Variants in NRBP1 observed in about 807,000 individuals in gnomAD.
The protein encoded by NRBP1 is nuclear receptor binding protein 1.
In NRBP1, 10 loss-of-function variants were observed where a neutral mutation model predicts 76.0. That is an observed-to-expected ratio of 0.13 (90% CI 0.08 to 0.22). NRBP1 has a LOEUF of 0.22. Among genes scored for constraint, NRBP1 ranks in the 10% least tolerant of loss-of-function variants. The probability of loss-of-function intolerance (pLI) is 1.00; values close to 1 mark genes in which losing one functional copy is unlikely to be tolerated. For synonymous variants in NRBP1, 235 were observed against 240.2 expected (o/e 0.98, Z 0.20); for missense variants, 344 against 646.0 (o/e 0.53, Z 5.07).
At chr2:27,432,152 C>T (rs1415749889) in intron 1 of NRBP1, among the ~76,000 whole-genome samples, 2 of 152,276 alleles carry the variant, frequency 1.3e-5, no homozygotes, top group Admixed American at 1.3e-4. Flanking sequence ...CCCGTCCACA[C>T]ATAGCTTAAT....
At chr2:27,434,795 T>G in intron 6 of NRBP1, 33 bp downstream of exon 6, 1 of 1,602,358 alleles carries the variant, frequency 6.2e-7, no homozygotes, top group African/African-American at 1.3e-5. Context: ...CTTACCCATA[T>G]TTCCTGATGT....
chr2:27,438,016 G>A (rs1167298363), intron 10 of NRBP1, among the ~76,000 whole-genome samples: 1 of 151,728 alleles, frequency 6.6e-6, no homozygotes, highest in Non-Finnish European at 1.5e-5. Context: ...GTGAAACCCT[G>A]TCTCTACTAA....
In NRBP1 at chr2:27,434,539, C is replaced by T. The variant is rs1201229075; in HGVS notation, c.504C>T (p.Asn168=). The T allele has an allele frequency of 1.2e-6, 2 of 1,613,682 alleles. No homozygotes were observed. The highest frequency in any genetic ancestry group is 1.7e-6 in the Non-Finnish European group (2 of 1,179,790). The change falls in exon 5 of 18, where the codon AAC becomes AAT. Residue 168 remains asparagine (N), a synonymous_variant. Transcript: ENST00000379852. ...LKQFLKKTKK[N]HKTMNEKAWK... ...AATTTCTGAAGAAGACCAAAAAGAA[C>T]CACAAGACGATGAATGAAAAGGTAT...
chr2:27,438,197 GTTAAT>G lies in NRBP1; in HGVS notation c.903+840_903+844del, dbSNP rs1664389882. Among the ~76,000 whole-genome samples, 11 of 151,236 alleles carry G rather than the reference GTTAAT, an allele frequency of 7.3e-5. No homozygotes were observed. The South Asian group carries it at 2.3e-3, about 32-fold the overall frequency. On this transcript the variant is annotated intron_variant, in intron 10 of 17. Transcript: ENST00000379852. ...TGTCTCAAAAAAAAAAAAAAAGTAT[GTTAAT>G]TTGAATGTGTCTACATGGAGGTAAA... is the stretch of plus-strand genomic sequence containing the variant.
chr2:27,440,296 A>G, intron 11 of NRBP1, 107 bp from the exon 12 acceptor site: 1 of 788,668 alleles, frequency 1.3e-6, no homozygotes, highest in African/African-American at 1.7e-5. Flanking sequence ...GGCATGAGCC[A>G]CTGTGCCAGG....
chr2:27,440,937 C>A lies in NRBP1; in HGVS notation c.1326C>A (p.Arg442=). The change falls in exon 14 of 18, where the codon CGC becomes CGA. Residue 442 remains arginine, a synonymous_variant. Coordinates refer to ENST00000379852, the MANE Select transcript of NRBP1 (RefSeq NM_013392.4). The stretch of plus-strand genomic sequence containing the variant: ...CTGAACCAGCTGAGGTGGAGACTCG[C>A]AAGGTGGGGGCTGTGTGGGTGTGGA... The part of the protein sequence containing the change: ...PTPEPAEVET[R]KVVLMQCNIE... 1 of 1,613,260 alleles carries A rather than the reference C, an allele frequency of 6.2e-7. No individual in the cohort carries two copies. The highest frequency in any genetic ancestry group is 8.5e-7 in the Non-Finnish European group (1 of 1,180,038).
chr2:27,433,209 GA>G, intron 1 of NRBP1, 44 bp from the exon 2 acceptor site: 1 of 1,381,462 alleles, frequency 7.2e-7, no homozygotes, highest in Non-Finnish European at 1.0e-6. Context: ...GATGTATCCT[GA>G]CTTTCTCTGC....
chr2:27,435,264 G>T, intron 7 of NRBP1, 37 bp downstream of exon 7: 1 of 1,553,876 alleles, frequency 6.4e-7, no homozygotes, highest in Non-Finnish European at 8.9e-7. Flanking sequence ...GGGGAGCCTC[G>T]GGAATTTGGG....
In NRBP1 at chr2:27,440,788, T is replaced by C; in HGVS notation, c.1194-17T>C. The C allele has an allele frequency of 6.2e-7, 1 of 1,614,096 alleles. No homozygotes were observed. The highest frequency in any genetic ancestry group is 8.5e-7 in the Non-Finnish European group (1 of 1,180,034). On this transcript the variant is annotated splice_polypyrimidine_tract_variant and intron_variant, in intron 13 of 17. Coordinates refer to ENST00000379852, the MANE Select transcript of NRBP1 (RefSeq NM_013392.4). ...GCGTTCACAGAGCCCATGTGACCTGTCTTCATCTCCCTCCAGGAATGGGAT... is the reference window on the plus strand; with the variant it reads ...GCGTTCACAGAGCCCATGTGACCTGCCTTCATCTCCCTCCAGGAATGGGAT...
At position 27,440,775 on chromosome 2, in the gene NRBP1, C is replaced by T. The variant is rs1231464486; in HGVS notation, c.1194-30C>T. 2.5e-6 allele frequency: 4 copies of T among 1,613,958 alleles called. 1 individual carries two copies. Among genetic ancestry groups the T allele is most frequent in the Middle Eastern group, 1.6e-4 (1 of 6,084 alleles). Reference sequence around the variant, plus strand: ...TGGGTATCCTAAGGCGTTCACAGAGCCCATGTGACCTGTCTTCATCTCCCT... The same window carrying T: ...TGGGTATCCTAAGGCGTTCACAGAGTCCATGTGACCTGTCTTCATCTCCCT... On this transcript the variant is annotated intron_variant, in intron 13 of 17. Transcript: ENST00000379852.
At chr2:27,435,807 CT>C in intron 7 of NRBP1, 1 of 717,476 alleles carries the variant, frequency 1.4e-6, no homozygotes, top group South Asian at 1.5e-5. Context: ...CCCTTGGCGG[CT>C]GCCCAGTGCA....
Position 27,433,270 on chromosome 2 carries a change from C to T in NRBP1, c.-4C>T, listed in dbSNP as rs748616441. Reference sequence around the variant, plus strand: ...CCAGTGCAGGCCTGAGTGTTCCTTCCAGCATGTCGGAGGGGGAGTCCCAGA... The same window carrying T: ...CCAGTGCAGGCCTGAGTGTTCCTTCTAGCATGTCGGAGGGGGAGTCCCAGA... On this transcript the variant is annotated 5_prime_UTR_variant, in exon 2 of 18. Transcript: ENST00000379852. 1 of 1,613,128 alleles carries T rather than the reference C, an allele frequency of 6.2e-7. No homozygotes were observed. Among genetic ancestry groups the T allele is most frequent in the Admixed American group, 1.7e-5 (1 of 60,024 alleles).
In NRBP1 at chr2:27,442,067, G is replaced by A. The variant is rs1431975672; in HGVS notation, c.*255G>A. ...CTCAGCAGCCGCCTTCTAGTTGGGG[G>A]CTAGTCGCTGATCTGCCGGCTCCCG... On this transcript the variant is annotated 3_prime_UTR_variant, in exon 18 of 18. Transcript: ENST00000379852. The A allele has an allele frequency of 3.4e-5, 18 of 535,346 alleles. No homozygotes were observed. The highest frequency in any genetic ancestry group is 4.2e-5 in the Non-Finnish European group (13 of 306,416). The allele number at this position is 535,346 out of a possible 1,614,324, so 33.2% of individuals were successfully genotyped here. A position where few individuals can be genotyped will look rare whatever the true frequency, so the allele number is the denominator to read the frequency against.
intron 1 of NRBP1, 86 bp from the exon 2 acceptor site, chr2:27,433,168 C>T (rs765872870): frequency 2.5e-5 from 24 of 948,206 alleles, no homozygotes; most frequent in African/African-American, 4.8e-5. Flanking sequence ...CATGAGCCAC[C>T]ACGTCCAGCC....
At position 27,435,208 on chromosome 2, in the gene NRBP1, A is replaced by G; in HGVS notation, c.642A>G (p.Gly214=). 6 of 1,613,740 alleles carry G rather than the reference A, an allele frequency of 3.7e-6. No individual in the cohort carries two copies. The highest frequency in any genetic ancestry group is 5.1e-6 in the Non-Finnish European group (6 of 1,179,946). The change falls in exon 7 of 18, where the codon GGA becomes GGG. Residue 214 remains glycine (G), a synonymous_variant. Transcript: ENST00000379852. The stretch of plus-strand genomic sequence containing the variant: ...ACACCATCTTCATCCAGCACAACGG[A>G]CTCATCAAGATTGGCTCTGGTGAGG... The part of the protein sequence containing the change: ...TCDTIFIQHN[G]LIKIGSVAPD...
In NRBP1 at chr2:27,435,060, C is replaced by T. The variant is rs1023220328; in HGVS notation, c.567-73C>T. The T allele has an allele frequency of 7.0e-6, 6 of 863,000 alleles. No homozygotes were observed. In the African/African-American group the frequency reaches 8.4e-5, roughly 12 times the overall value. The allele number at this position is 863,000 out of a possible 1,614,324, so 53.5% of individuals were successfully genotyped here. A position where few individuals can be genotyped will look rare whatever the true frequency, so the allele number is the denominator to read the frequency against. On this transcript the variant is annotated intron_variant, in intron 6 of 17. Coordinates refer to ENST00000379852, the MANE Select transcript of NRBP1 (RefSeq NM_013392.4). ...TGACCAGCAGGAGACCTGGCCCTTGCTCCTCTTAACCCTTGGGTTCCCCCT... is the reference window on the plus strand; with the variant it reads ...TGACCAGCAGGAGACCTGGCCCTTGTTCCTCTTAACCCTTGGGTTCCCCCT...
upstream of NRBP1, chr2:27,428,388 G>A (rs1048453194): frequency 5.1e-5 from 18 of 354,532 alleles, no homozygotes; most frequent in Non-Finnish European, 8.1e-5. Flanking sequence ...AACCATCTGG[G>A]GCACCTGGAC....
In NRBP1 at chr2:27,428,691, G is replaced by C; in HGVS notation, c.-61G>C. The C allele has an allele frequency of 2.5e-6, 1 of 398,226 alleles. No homozygotes were observed. Among genetic ancestry groups the C allele is most frequent in the Non-Finnish European group, 4.4e-6 (1 of 225,780 alleles). 24.7% of individuals were successfully genotyped at this position (398,226 alleles called of 1,614,324 possible). A position where few individuals can be genotyped will look rare whatever the true frequency, so the allele number is the denominator to read the frequency against. ...TGTGATCCGGGGCCCCGGAACCCGA[G>C]CTGGAGCTGAAGCGCAGGCTGCGGG... On this transcript the variant is annotated 5_prime_UTR_variant, in exon 1 of 18. Transcript: ENST00000379852.
chr2:27,441,052 A>T, intron 14 of NRBP1, 75 bp from the exon 15 acceptor site: 1 of 1,608,106 alleles, frequency 6.2e-7, no homozygotes. Flanking sequence ...GCCATGCCCT[A>T]TGGGCTCGAA....
Sources: gnomAD v4.1 joint callset for allele counts (sites outside exome capture counted in the v4.1 genomes callset) on GRCh38, gnomAD v4.1.1 for gene constraint, MANE v1.5 for transcripts, NCBI Gene and HGNC (gene_info 2026-07-23, HGNC 2026-07-21) for gene names.